Variants in MAJIN observed in about 807,000 individuals in gnomAD.
MAJIN encodes the protein membrane-anchored junction protein.
MAJIN carries 27 observed loss-of-function variants against 30.2 expected under a neutral mutation model. The observed-to-expected ratio is 0.89, with a 90% CI of 0.66 to 1.23. The LOEUF is 1.23. MAJIN is among the 50% of genes most tolerant of loss of function. MAJIN has a pLI of 0.00. For missense variants in MAJIN, 253 were observed against 260.3 expected, an observed-to-expected ratio of 0.97 and a Z score of 0.19; for synonymous variants, 78 against 91.6, an observed-to-expected ratio of 0.85 and a Z score of 0.85.
At chr11:64,949,619 C>T in intron 6 of MAJIN, 124 bp downstream of exon 6, 1 of 1,262,524 alleles carries the variant, frequency 7.9e-7, no homozygotes, top group Non-Finnish European at 1.1e-6. Context: ...TGGCCTGGAG[C>T]ACATGATCCT....
At chr11:64,966,122 A>T (rs1173924648) in intron 1 of MAJIN, among the ~76,000 whole-genome samples, 1 of 142,532 alleles carries the variant, frequency 7.0e-6, no homozygotes, top group East Asian at 2.1e-4. Flanking sequence ...GAAGCAGTAC[A>T]TGTAAGGAAG....
At chr11:64,952,123 A>G (rs1945561684) in intron 4 of MAJIN, among the ~76,000 whole-genome samples, 1 of 152,110 alleles carries the variant, frequency 6.6e-6, no homozygotes. Flanking sequence ...CCCTGAGCTC[A>G]GGCAATCTGC....
At chr11:64,957,739 T>A (rs1440282341) in intron 3 of MAJIN, among the ~76,000 whole-genome samples, 1 of 151,900 alleles carries the variant, frequency 6.6e-6, no homozygotes, top group Non-Finnish European at 1.5e-5. Flanking sequence ...CTGGGTTTGA[T>A]CAAATGCAGT....
chr11:64,948,602 CATATATATATATATATATATATATAT>C (rs1554970962), intron 6 of MAJIN, among the ~76,000 whole-genome samples: 2 of 19,416 alleles, frequency 1.0e-4, no homozygotes, highest in Admixed American at 1.2e-3. Flanking sequence ...CGGGCTACAT[CATATATATATATATATATATATATAT>C]ATATATATAT....
At chr11:64,964,375 G>T (rs958310007) in intron 1 of MAJIN, among the ~76,000 whole-genome samples, 2 of 152,174 alleles carry the variant, frequency 1.3e-5, no homozygotes, top group African/African-American at 4.8e-5. Context: ...TTTGGTGGGG[G>T]ATGATAGGGA....
Position 64,938,637 on chromosome 11 carries a change from C to T in MAJIN, c.*2-64G>A, listed in dbSNP as rs1945324774. 2.9e-5 allele frequency: 44 copies of T among 1,495,740 alleles called. 2 individuals carry two copies. The South Asian group carries it at 5.3e-4, about 18-fold the overall frequency. 92.7% of individuals were successfully genotyped at this position (1,495,740 alleles called of 1,614,324 possible). A position where few individuals can be genotyped will look rare whatever the true frequency, so the allele number is the denominator to read the frequency against. ...GGTCTCCTTCCCTTCTCCCCATTTCCCATTAGTGCTTCACTAGCTAGGGCA... is the reference window on the plus strand; with the variant it reads ...GGTCTCCTTCCCTTCTCCCCATTTCTCATTAGTGCTTCACTAGCTAGGGCA... On this transcript the variant is annotated intron_variant, in intron 10 of 10. Coordinates refer to ENST00000301896, the MANE Select transcript of MAJIN (RefSeq NM_001037225.3).
At chr11:64,971,288 G>A (rs1280550908) in intron 1 of MAJIN, among the ~76,000 whole-genome samples, 2 of 152,034 alleles carry the variant, frequency 1.3e-5, no homozygotes, top group Non-Finnish European at 2.9e-5. Context: ...TTAGCCAGGA[G>A]TGGCGGCGCA....
intron 1 of MAJIN, 58 bp from the exon 2 acceptor site, chr11:64,960,193 C>A (rs1361780072): frequency 1.3e-5 from 2 of 152,072 alleles, no homozygotes; most frequent in Non-Finnish European, 2.9e-5. Flanking sequence ...AGAGGAGATC[C>A]AGAGTTCCTA....
chr11:64,958,639 T>A (rs1269133906), intron 3 of MAJIN, among the ~76,000 whole-genome samples: 1 of 141,044 alleles, frequency 7.1e-6, no homozygotes, highest in East Asian at 2.0e-4. Context: ...TGCAAGGGAG[T>A]CGAGATGAAA....
At chr11:64,954,336 C>A in intron 4 of MAJIN, 1 of 287,942 alleles carries the variant, frequency 3.5e-6, no homozygotes, top group Non-Finnish European at 6.7e-6. Flanking sequence ...CAAATGTTGC[C>A]AATTTAAATG....
intron 8 of MAJIN, among the ~76,000 whole-genome samples, chr11:64,946,351 G>C (rs12284233): frequency 1.3e-5 from 2 of 152,172 alleles, no homozygotes; most frequent in African/African-American, 4.8e-5. Flanking sequence ...GAGACACTTA[G>C]GGATCTGGGG....
At chr11:64,945,055 T>C (rs1223487558) in intron 8 of MAJIN, among the ~76,000 whole-genome samples, 1 of 152,300 alleles carries the variant, frequency 6.6e-6, no homozygotes, top group East Asian at 1.9e-4. Flanking sequence ...GCCTAGCTCA[T>C]TTGTTAAAAC....
chr11:64,951,480 CTG>C (rs1392251350), intron 4 of MAJIN, among the ~76,000 whole-genome samples: 1 of 152,114 alleles, frequency 6.6e-6, no homozygotes, highest in Non-Finnish European at 1.5e-5. Flanking sequence ...AAGATAGAAA[CTG>C]TGGCCAGCGC....
chr11:64,941,220 T>C (rs1827452866), intron 8 of MAJIN, among the ~76,000 whole-genome samples: 1 of 152,212 alleles, frequency 6.6e-6, no homozygotes, highest in South Asian at 2.1e-4. Context: ...TAAATCAAGC[T>C]GGGTTTAACT....
chr11:64,954,289 A>T (rs1342510535), intron 4 of MAJIN: 1 of 265,284 alleles, frequency 3.8e-6, no homozygotes, highest in Non-Finnish European at 7.4e-6. Context: ...GGAACCGGGT[A>T]GAAAGGAATG....
chr11:64,938,656 T>C, intron 10 of MAJIN, 83 bp from the exon 11 acceptor site: 1 of 1,443,334 alleles, frequency 6.9e-7, no homozygotes, highest in South Asian at 1.2e-5. Context: ...CTTCACTAGC[T>C]AGGGCATTTT....
chr11:64,952,431 AC>A (rs1945567916), intron 4 of MAJIN, among the ~76,000 whole-genome samples: 1 of 149,784 alleles, frequency 6.7e-6, no homozygotes, highest in Admixed American at 6.7e-5. Context: ...CAGGTGATCC[AC>A]CCGCCTTGAC....
intron 8 of MAJIN, among the ~76,000 whole-genome samples, chr11:64,941,838 A>C (rs528726401): frequency 2.0e-4 from 31 of 152,202 alleles, no homozygotes; most frequent in African/African-American, 7.5e-4. Flanking sequence ...GGGTGAGGAG[A>C]TGGTCAGTCA....
chr11:64,957,009 C>A (rs912864620), intron 3 of MAJIN, among the ~76,000 whole-genome samples: 1 of 151,962 alleles, frequency 6.6e-6, no homozygotes, highest in African/African-American at 2.4e-5. Context: ...TCAGAAGATC[C>A]GCCTGCCTCG....
Sources: allele counts gnomAD v4.1 joint callset (sites outside exome capture counted in the v4.1 genomes callset), GRCh38; gene constraint gnomAD v4.1.1; transcripts MANE v1.5; gene names NCBI Gene and HGNC (gene_info 2026-07-23, HGNC 2026-07-21).